DYNC2LI1: variants seen among roughly 807,000 people sequenced by gnomAD.
DYNC2LI1 encodes the protein dynein cytoplasmic 2 light intermediate chain 1, also known as cytoplasmic dynein 2 light intermediate chain 1.
Under a neutral mutation model 51.9 loss-of-function variants are expected in DYNC2LI1, and 45 were observed. That is an observed-to-expected ratio of 0.87 (90% confidence interval 0.68 to 1.11). The LOEUF is 1.11. Among genes scored for constraint, DYNC2LI1 ranks in the 50% most tolerant of loss-of-function variants. The pLI is 0.00. For synonymous variants in DYNC2LI1, 130 were observed against 137.8 expected, an observed-to-expected ratio of 0.94 and a Z score of 0.40; for missense variants, 490 against 417.4, an observed-to-expected ratio of 1.17 and a Z score of -1.51.
the DYNC2LI1 span, among the ~76,000 whole-genome samples, chr2:43,817,782 C>T: frequency 6.6e-6 from 1 of 151,810 alleles, no homozygotes; most frequent in Non-Finnish European, 1.5e-5. Flanking sequence ...TAATGGCAGG[C>T]ACCTGTAATC....
chr2:43,795,986 T>G (rs775621430), intron 7 of DYNC2LI1, 28 bp downstream of exon 7: 1 of 1,540,818 alleles, frequency 6.5e-7, no homozygotes, highest in African/African-American at 1.4e-5. Context: ...TAGCTGAGTT[T>G]GTTGTACATA....
intron 12 of DYNC2LI1, among the ~76,000 whole-genome samples, chr2:43,805,884 C>CTTTT (rs202208932): frequency 6.7e-6 from 1 of 149,106 alleles, no homozygotes; most frequent in Non-Finnish European, 1.5e-5. Flanking sequence ...TTTTCTTTTT[C>CTTTT]TTTTTCTTTT....
Position 43,787,264 on chromosome 2 carries a change from A to G in DYNC2LI1, c.231+14A>G, listed in dbSNP as rs754315097. On this transcript the variant is annotated intron_variant, in intron 4 of 12. Coordinates refer to ENST00000260605, the MANE Select transcript of DYNC2LI1 (RefSeq NM_016008.4). ...GGGCACAACACAGTAAGTGTCTTTT[A>G]AAGTGACATTGCTATGCCCATAGAT... 1 of 1,596,518 alleles carries G rather than the reference A, an allele frequency of 6.3e-7. No homozygotes were observed. The highest frequency in any genetic ancestry group is 1.3e-5 in the African/African-American group (1 of 74,564).
At chr2:43,811,674 A>C (rs558632198), downstream of DYNC2LI1, among the ~76,000 whole-genome samples, 14 of 151,420 alleles carry the variant, frequency 9.2e-5, no homozygotes, top group South Asian at 2.1e-4. Flanking sequence ...GGCTCACTGC[A>C]ACCTCCACCT....
At chr2:43,792,832 C>A in intron 5 of DYNC2LI1, 1 of 1,509,406 alleles carries the variant, frequency 6.6e-7, no homozygotes, top group Non-Finnish European at 8.8e-7. Context: ...GTCAGGATTT[C>A]CCTCACTTCT....
chr2:43,782,547 TAAAAAAA>T (rs779034508), intron 2 of DYNC2LI1, among the ~76,000 whole-genome samples: 4 of 127,412 alleles, frequency 3.1e-5, no homozygotes, highest in Non-Finnish European at 6.8e-5. Context: ...GTCTTTTCTT[TAAAAAAA>T]AAAAAAAAAA....
At chr2:43,776,702 A>G in intron 1 of DYNC2LI1, 80 bp from the exon 2 acceptor site, 1 of 673,500 alleles carries the variant, frequency 1.5e-6, no homozygotes, top group Non-Finnish European at 2.5e-6. Flanking sequence ...TTATACTGAA[A>G]TAAAATTTCT....
chr2:43,816,391 C>T, the DYNC2LI1 span, among the ~76,000 whole-genome samples: 1 of 152,106 alleles, frequency 6.6e-6, no homozygotes, highest in Non-Finnish European at 1.5e-5. Flanking sequence ...AGAGAGTGCG[C>T]CTCTAGCCTT....
the DYNC2LI1 span, chr2:43,820,097 C>T: frequency 1.9e-5 from 30 of 1,613,458 alleles, no homozygotes; most frequent in Admixed American, 2.2e-4. Flanking sequence ...GTAAGCCCAG[C>T]GTCCTAGAAA....
At chr2:43,815,207 T>G in the DYNC2LI1 span, among the ~76,000 whole-genome samples, 1 of 152,176 alleles carries the variant, frequency 6.6e-6, no homozygotes, top group Admixed American at 6.5e-5. Context: ...ATGAAATATG[T>G]CTCCTCTCCA....
chr2:43,828,195 A>G, the DYNC2LI1 span: 3 of 1,600,916 alleles, frequency 1.9e-6, no homozygotes, highest in Admixed American at 3.4e-5. Flanking sequence ...AGGACATGAA[A>G]GAGGCAGCAC....
the DYNC2LI1 span, chr2:43,824,533 C>T: frequency 6.3e-7 from 1 of 1,591,668 alleles, no homozygotes; most frequent in African/African-American, 1.3e-5. Context: ...ATACCTCATC[C>T]CATCAAGATA....
chr2:43,783,891 AT>A (rs1397812121), intron 3 of DYNC2LI1, among the ~76,000 whole-genome samples: 1 of 152,148 alleles, frequency 6.6e-6, no homozygotes. Context: ...TTGAACATTC[AT>A]TGTAAGCTTT....
chr2:43,776,490 A>C (rs558233690), intron 1 of DYNC2LI1, among the ~76,000 whole-genome samples: 2 of 152,318 alleles, frequency 1.3e-5, no homozygotes, highest in African/African-American at 2.4e-5. Flanking sequence ...AGAAGCTGAC[A>C]TACACAGCTA....
the DYNC2LI1 span, among the ~76,000 whole-genome samples, chr2:43,816,483 G>A: frequency 8.5e-5 from 13 of 152,194 alleles, no homozygotes; most frequent in Non-Finnish European, 5.9e-5. Context: ...GAGAAGCAGC[G>A]GGAGGAACCA....
At chr2:43,822,933 G>A in the DYNC2LI1 span, 34 of 1,613,730 alleles carry the variant, frequency 2.1e-5, no homozygotes, top group Non-Finnish European at 2.7e-5. Flanking sequence ...CGCAGCACGG[G>A]AACTGGGGAT....
At chr2:43,812,289 C>T (rs111991842), downstream of DYNC2LI1, among the ~76,000 whole-genome samples, 2 of 149,278 alleles carry the variant, frequency 1.3e-5, no homozygotes, top group African/African-American at 2.5e-5. Context: ...TTTCTCAGTG[C>T]ATATACTTTA....
Position 43,794,583 on chromosome 2 carries a change from T to C in DYNC2LI1, c.447T>C (p.Asn149=), listed in dbSNP as rs748595118. 1.2e-6 allele frequency: 2 copies of C among 1,614,032 alleles called. No homozygotes were observed. Among genetic ancestry groups the C allele is most frequent in the African/African-American group, 1.3e-5 (1 of 75,026 alleles). The change falls in exon 6 of 13, where the codon AAT becomes AAC. Residue 149 remains asparagine, a synonymous_variant. Coordinates refer to ENST00000260605, the MANE Select transcript of DYNC2LI1 (RefSeq NM_016008.4). ...DKVIMKLGKT[N]AKAVSEMRQK... ...TGATAATGAAACTGGGAAAGACAAA[T>C]GCTAAAGCAGTTTCTGAAATGAGAC...
intron 4 of DYNC2LI1, 52 bp from the exon 5 acceptor site, chr2:43,789,581 G>T: frequency 7.2e-7 from 1 of 1,380,004 alleles, no homozygotes; most frequent in South Asian, 1.2e-5. Flanking sequence ...AAGTGCTAAT[G>T]ACATATAAGA....
Sources: allele counts gnomAD v4.1 joint callset (sites outside exome capture counted in the v4.1 genomes callset), GRCh38; gene constraint gnomAD v4.1.1; transcripts MANE v1.5; gene names NCBI Gene and HGNC (gene_info 2026-07-23, HGNC 2026-07-21).